Variants in NPHP3 observed in about 807,000 individuals in gnomAD.
NPHP3 encodes the protein nephrocystin-3.
A neutral mutation model predicts 171.9 loss-of-function variants in NPHP3; 123 were observed. The ratio of observed to expected loss-of-function variants is 0.72; its 90% CI spans 0.62 to 0.83. The LOEUF is 0.83. Ranked by LOEUF, NPHP3 falls within the 40% of genes least tolerant of loss-of-function variation. NPHP3 has a pLI of 0.00. For synonymous variants in NPHP3, 558 were observed against 579.2 expected (o/e 0.96, Z 0.52); for missense variants, 1,506 against 1,591.9 (o/e 0.95, Z 0.92).
chr3:132,689,106 G>T lies in NPHP3; in HGVS notation c.2851C>A (p.Arg951=). ...CLADLYETLG[R]FLKDLGLLSQ... ...AGAAGGCCTAGATCCTTGAGAAATC[G>T]CCCCAAGGTTTCATAAAGATCAGCT... Residue 951 remains arginine, a synonymous_variant, in exon 20 of 27, where the codon CGA becomes AGA. Transcript: ENST00000337331. 6.2e-7 allele frequency: 1 copy of T among 1,614,032 alleles called. No individual in the cohort carries two copies. Among genetic ancestry groups the T allele is most frequent in the East Asian group, 2.2e-5 (1 of 44,862 alleles).
intron 16 of NPHP3, 51 bp downstream of exon 16, chr3:132,694,772 TCACA>T: frequency 1.3e-6 from 2 of 1,576,362 alleles, no homozygotes; most frequent in Non-Finnish European, 1.7e-6. Flanking sequence ...TTATTTCCAT[TCACA>T]CACACACAAA....
chr3:132,720,497 T>C (rs1281599789), intron 1 of NPHP3, among the ~76,000 whole-genome samples: 2 of 152,278 alleles, frequency 1.3e-5, no homozygotes, highest in African/African-American at 2.4e-5. Context: ...CTTGGATACA[T>C]TGAATCAGAT....
At position 132,708,218 on chromosome 3, in the gene NPHP3, G is replaced by C; in HGVS notation, c.1158C>G (p.Asn386Lys). 6.2e-7 allele frequency: 1 copy of C among 1,614,162 alleles called. No individual in the cohort carries two copies. Among genetic ancestry groups the C allele is most frequent in the Non-Finnish European group, 8.5e-7 (1 of 1,180,018 alleles). ...LEDCEEAFLK[N>K]PEGKPRLIFH... is the part of the protein sequence containing the mutation. ...AGATTAATCGAGGTTTTCCTTCAGG[G>C]TTTTTCAGAAAAGCTTCTTCACAGT... Residue 386 changes from asparagine (N) to lysine (K), a missense_variant, in exon 7 of 27, where the codon AAC becomes AAG. Asn to Lys is a moderately conservative substitution (Grantham distance 94, BLOSUM62 0). Coordinates refer to ENST00000337331, the MANE Select transcript of NPHP3 (RefSeq NM_153240.5).
rs746285540 is a variant in NPHP3 at position 132,681,863 on chromosome 3, A to C, written c.*47T>G. ...CAAATTCAAATGTTCCAAATGTTTA[A>C]TTATTTTGTCTTAAGGTACATTTGC... On this transcript the variant is annotated 3_prime_UTR_variant, in exon 27 of 27. Coordinates refer to ENST00000337331, the MANE Select transcript of NPHP3 (RefSeq NM_153240.5). 3.3e-6 allele frequency: 5 copies of C among 1,519,406 alleles called. No individual in the cohort carries two copies. The highest frequency in any genetic ancestry group is 2.7e-6 in the Non-Finnish European group (3 of 1,094,492). The allele number at this position is 1,519,406 out of a possible 1,614,324, so 94.1% of individuals were successfully genotyped here. A position where few individuals can be genotyped will look rare whatever the true frequency, so the allele number is the denominator to read the frequency against.
In NPHP3 at chr3:132,699,320, T is replaced by C. The variant is rs775631972; in HGVS notation, c.1985+33A>G. On this transcript the variant is annotated intron_variant, in intron 13 of 26. Transcript: ENST00000337331. Reference sequence around the variant, plus strand: ...CCTTGTTTGTACTTAAAACATTTCATGTACTCTGAAAGAACTAAAGTTGGC... The same window carrying C: ...CCTTGTTTGTACTTAAAACATTTCACGTACTCTGAAAGAACTAAAGTTGGC... 1.8e-5 allele frequency: 25 copies of C among 1,393,160 alleles called. No homozygotes were observed. In the Admixed American group the frequency reaches 3.5e-4, roughly 20 times the overall value. The allele number at this position is 1,393,160 out of a possible 1,614,324, so 86.3% of individuals were successfully genotyped here.
At position 132,705,802 on chromosome 3, in the gene NPHP3, A is replaced by C. The variant is rs151118635; in HGVS notation, c.1288T>G (p.Ser430Ala). The change falls in exon 8 of 27, where the codon TCA (serine) becomes GCA (alanine). Residue 430 changes from serine to alanine, a missense_variant. Ser to Ala is a moderately conservative substitution (Grantham distance 99, BLOSUM62 1). This residue lies in a region of NPHP3 where 930 missense variants were observed against 924.9 expected (regional missense o/e 1.01). Transcript: ENST00000337331. ...KTSKAKIIDH[S>A]GDPAEGVYKT... The stretch of plus-strand genomic sequence containing the variant: ...TATACTCCTTCTGCAGGATCTCCTG[A>C]GTGATCAATGATCTAGATAAAAATC... 8.0e-6 allele frequency: 12 copies of C among 1,506,322 alleles called. No homozygotes were observed. The highest frequency in any genetic ancestry group is 9.2e-6 in the Non-Finnish European group (10 of 1,083,956). 93.3% of individuals were successfully genotyped at this position (1,506,322 alleles called of 1,614,324 possible).
Position 132,694,951 on chromosome 3 carries a change from C to T in NPHP3, c.2186G>A (p.Gly729Asp), listed in dbSNP as rs1212169120. The T allele has an allele frequency of 1.2e-6, 2 of 1,613,764 alleles. No homozygotes were observed. The highest frequency in any genetic ancestry group is 1.7e-6 in the Non-Finnish European group (2 of 1,179,896). ...GKMIARAGRA[G>D]NLDKILHQCF... ...CTGATGAAGGATTTTATCTAAATTG[C>T]CTGCTCTCCCAGCACTGTTGGAATC... Residue 729 changes from glycine (G) to aspartate (D), a missense_variant, in exon 16 of 27, where the codon GGC becomes GAC. Gly to Asp is a moderately conservative substitution (Grantham distance 94). This residue lies in a region of NPHP3 where 930 missense variants were observed against 924.9 expected (regional missense o/e 1.01). Transcript: ENST00000337331.
Position 132,705,720 on chromosome 3 carries a change from T to TA in NPHP3, c.1350+19dup. 1 of 1,158,900 alleles carries TA rather than the reference T, an allele frequency of 8.6e-7. No homozygotes were observed. The highest frequency in any genetic ancestry group is 1.3e-6 in the Non-Finnish European group (1 of 773,084). 71.8% of individuals were successfully genotyped at this position (1,158,900 alleles called of 1,614,324 possible). A position where few individuals can be genotyped will look rare whatever the true frequency, so the allele number is the denominator to read the frequency against. ...TCTTAAAATATTTTAGATGAAAACT[T>TA]ACAGAGAATGCATATTTACCTGTTT... On this transcript the variant is annotated intron_variant, in intron 8 of 26. Transcript: ENST00000337331.
intron 10 of NPHP3, among the ~76,000 whole-genome samples, chr3:132,700,651 T>G (rs1479758296): frequency 6.6e-6 from 1 of 152,232 alleles, no homozygotes; most frequent in East Asian, 1.9e-4. Flanking sequence ...TGTAGATTCA[T>G]TTTAATTACA....
In NPHP3 at chr3:132,704,351, G is replaced by A; in HGVS notation, c.1371C>T (p.Asn457=). ...IIKQDILGFE[N]TDLETKDLGS... ...CCAAATCCTTAGTCTCCAAGTCTGT[G>A]TTCTCAAAACCCAGTATGTCCTAAA... The change falls in exon 9 of 27, where the codon AAC becomes AAT. Residue 457 remains asparagine (N), a synonymous_variant. Coordinates refer to ENST00000337331, the MANE Select transcript of NPHP3 (RefSeq NM_153240.5). 1 of 1,614,100 alleles carries A rather than the reference G, an allele frequency of 6.2e-7. No individual in the cohort carries two copies. Among genetic ancestry groups the A allele is most frequent in the Non-Finnish European group, 8.5e-7 (1 of 1,180,026 alleles).
chr3:132,719,914 AT>A, intron 1 of NPHP3, 84 bp from the exon 2 acceptor site: 1 of 515,098 alleles, frequency 1.9e-6, no homozygotes, highest in Non-Finnish European at 2.9e-6. Context: ...ATATATATAT[AT>A]ATATGTTACG....
intron 13 of NPHP3, among the ~76,000 whole-genome samples, chr3:132,698,495 T>C (rs1939517389): frequency 6.6e-6 from 1 of 152,114 alleles, no homozygotes; most frequent in Non-Finnish European, 1.5e-5. Flanking sequence ...CAGGTTGGTC[T>C]TGAACTCCTG....
chr3:132,696,723 C>A lies in NPHP3; in HGVS notation c.2171+8G>T, dbSNP rs147825615. On this transcript the variant is annotated splice_region_variant and intron_variant, in intron 15 of 26. Coordinates refer to ENST00000337331, the MANE Select transcript of NPHP3 (RefSeq NM_153240.5). ...TGCAGAAGATCATGTAAAATAATCA[C>A]CACTCACCGCGCGATCATTTTGCCG... 1 of 1,613,004 alleles carries A rather than the reference C, an allele frequency of 6.2e-7. No individual in the cohort carries two copies. Among genetic ancestry groups the A allele is most frequent in the South Asian group, 1.1e-5 (1 of 91,060 alleles).
chr3:132,718,665 G>A (rs764032432), intron 3 of NPHP3, among the ~76,000 whole-genome samples: 10 of 152,196 alleles, frequency 6.6e-5, no homozygotes, highest in South Asian at 2.1e-4. Flanking sequence ...GGAAAGGAAC[G>A]TGTTCTCCCC....
chr3:132,690,487 ATCTC>A (rs1234651530), intron 19 of NPHP3, 37 bp downstream of exon 19: 1 of 1,586,694 alleles, frequency 6.3e-7, no homozygotes, highest in South Asian at 1.1e-5. Flanking sequence ...ACAACTTTAA[ATCTC>A]TCTTTCTGGG....
At chr3:132,692,591 G>T in intron 17 of NPHP3, 63 bp downstream of exon 17, 2 of 1,427,412 alleles carry the variant, frequency 1.4e-6, no homozygotes, top group Non-Finnish European at 9.8e-7. Flanking sequence ...ACTCCAGCCT[G>T]GGTGACAGAG....
rs138865996 is a variant in NPHP3, at chr3:132,691,244, C to G, written c.2518G>C (p.Val840Leu). ...AGCTTTTGCCTGTATGAAGAAGTAA[C>G]AGTGGGGCCTTCCAGGTACTCCAAT... Reference protein sequence around the residue: ...VRLEYLEGPTVTSSYRQKLIN... With the variant: ...VRLEYLEGPTLTSSYRQKLIN... Residue 840 changes from valine (V) to leucine (L), a missense_variant, in exon 18 of 27, where the codon GTT (valine) becomes CTT (leucine). By Grantham distance (32) the Val-to-Leu change is conservative (BLOSUM62 1). Transcript: ENST00000337331. 1.2e-6 allele frequency: 2 copies of G among 1,613,422 alleles called. No homozygotes were observed. The highest frequency in any genetic ancestry group is 8.5e-7 in the Non-Finnish European group (1 of 1,179,530).
At chr3:132,698,225 C>T (rs951020256) in intron 13 of NPHP3, among the ~76,000 whole-genome samples, 4 of 152,212 alleles carry the variant, frequency 2.6e-5, no homozygotes, top group Middle Eastern at 6.8e-3. Context: ...CCGATCCACC[C>T]GCCTCGGCCT....
At chr3:132,720,823 G>C (rs546460061) in intron 1 of NPHP3, among the ~76,000 whole-genome samples, 2 of 152,106 alleles carry the variant, frequency 1.3e-5, no homozygotes, top group Non-Finnish European at 2.9e-5. Context: ...CCACAGTAAA[G>C]AGTACACAAA....
Sources: gnomAD v4.1 joint callset for allele counts (sites outside exome capture counted in the v4.1 genomes callset) on GRCh38, gnomAD v4.1.1 for gene constraint, gnomAD v4.1.1 regional missense constraint, MANE v1.5 for transcripts, NCBI Gene and HGNC (gene_info 2026-07-23, HGNC 2026-07-21) for gene names.